KIF11: variants seen among roughly 807,000 people sequenced by gnomAD.
KIF11 encodes kinesin-like protein KIF11.
KIF11 carries 9 observed loss-of-function variants against 121.0 expected under a neutral mutation model. The ratio of observed to expected loss-of-function variants is 0.07; its 90% CI spans 0.04 to 0.13. KIF11 has a LOEUF of 0.13. Ranked by LOEUF, KIF11 falls within the 10% of genes least tolerant of loss-of-function variation. KIF11 has a pLI of 1.00. For synonymous variants in KIF11, 408 were observed against 421.0 expected (o/e 0.97, Z 0.38); for missense variants, 846 against 1,217.5 (o/e 0.69, Z 4.54).
At chr10:92,610,723 AT>A (rs1182842923) in intron 6 of KIF11, among the ~76,000 whole-genome samples, 1 of 152,182 alleles carries the variant, frequency 6.6e-6, no homozygotes, top group Non-Finnish European at 1.5e-5. Context: ...TAGAAGTCTT[AT>A]TTCTTTTCTG....
intron 10 of KIF11, among the ~76,000 whole-genome samples, chr10:92,624,794 G>C (rs1025808506): frequency 6.7e-6 from 1 of 148,192 alleles, no homozygotes; most frequent in African/African-American, 2.5e-5. Context: ...TTTTGAGATG[G>C]AGTCTTGCTC....
chr10:92,606,982 G>T (rs1379482116), intron 3 of KIF11, among the ~76,000 whole-genome samples, 177 bp from the exon 4 acceptor site: 1 of 152,062 alleles, frequency 6.6e-6, no homozygotes, highest in Non-Finnish European at 1.5e-5. Flanking sequence ...TCACTGTGTT[G>T]GCCAGGCTGG....
chr10:92,636,664 G>A (rs954300252), intron 14 of KIF11, among the ~76,000 whole-genome samples: 3 of 151,804 alleles, frequency 2.0e-5, no homozygotes, highest in African/African-American at 4.8e-5. Flanking sequence ...CTTGAAAAAA[G>A]AGAAATTATT....
At position 92,609,463 on chromosome 10, in the gene KIF11, G is replaced by A; in HGVS notation, c.652G>A (p.Ala218Thr). The A allele has an allele frequency of 1.2e-6, 2 of 1,613,170 alleles. No individual in the cohort carries two copies. Among genetic ancestry groups the A allele is most frequent in the African/African-American group, 1.3e-5 (1 of 74,890 alleles). The change falls in exon 6 of 22, where the codon GCA becomes ACA. Residue 218 changes from alanine to threonine, a missense_variant. Coordinates refer to ENST00000260731, the MANE Select transcript of KIF11 (RefSeq NM_004523.4). Reference protein sequence around the residue: ...DEVYQILEKGAAKRTTAATLM... With the variant: ...DEVYQILEKGTAKRTTAATLM... ...AGTCTATCAAATTTTAGAAAAGGGG[G>A]CAGCAAAAAGGACAACTGCAGCTAC...
intron 1 of KIF11, 37 bp downstream of exon 1, chr10:92,593,489 C>T (rs1211234484): frequency 1.9e-6 from 3 of 1,575,162 alleles, no homozygotes; most frequent in Non-Finnish European, 2.6e-6. Context: ...AGCGCTGCGG[C>T]TTCGCTGCTG....
intron 16 of KIF11, among the ~76,000 whole-genome samples, chr10:92,637,812 A>T (rs1490450333): frequency 6.6e-6 from 1 of 152,242 alleles, no homozygotes; most frequent in African/African-American, 2.4e-5. Context: ...TGAAAGATGA[A>T]TCTGGAAAAA....
chr10:92,639,732 T>C (rs1844844974), intron 16 of KIF11, 62 bp from the exon 17 acceptor site: 1 of 856,952 alleles, frequency 1.2e-6, no homozygotes, highest in Admixed American at 2.1e-5. Context: ...TTGTTATCAG[T>C]CATAAAAAAT....
intron 8 of KIF11, among the ~76,000 whole-genome samples, chr10:92,614,269 G>A (rs1177912238): frequency 6.6e-6 from 1 of 151,946 alleles, no homozygotes; most frequent in African/African-American, 2.4e-5. Flanking sequence ...CCTAATTTTT[G>A]TATTTTTAGT....
intron 10 of KIF11, among the ~76,000 whole-genome samples, chr10:92,627,042 G>A (rs1045012860): frequency 4.6e-5 from 7 of 152,126 alleles, no homozygotes; most frequent in Non-Finnish European, 8.8e-5. Flanking sequence ...GATTACAGGC[G>A]TGAGCCACCG....
At chr10:92,650,236 T>G (rs1170000666) in intron 20 of KIF11, among the ~76,000 whole-genome samples, 165 bp from the exon 21 acceptor site, 1 of 152,230 alleles carries the variant, frequency 6.6e-6, no homozygotes, top group Non-Finnish European at 1.5e-5. Flanking sequence ...TCTATAAAAA[T>G]ATATTAGGAA....
chr10:92,636,642 GT>G (rs1429242295), intron 14 of KIF11, among the ~76,000 whole-genome samples: 2 of 151,688 alleles, frequency 1.3e-5, no homozygotes, highest in Admixed American at 6.6e-5. Flanking sequence ...GAAATTCTGT[GT>G]TTTCACTGGG....
intron 16 of KIF11, among the ~76,000 whole-genome samples, chr10:92,638,869 T>C (rs1844836037): frequency 6.6e-6 from 1 of 152,250 alleles, no homozygotes; most frequent in South Asian, 2.1e-4. Flanking sequence ...TCAGAGATAC[T>C]GGCCAACCAG....
At chr10:92,607,132 T>G (rs958973565) in intron 3 of KIF11, 27 bp from the exon 4 acceptor site, 2 of 1,428,216 alleles carry the variant, frequency 1.4e-6, no homozygotes, top group East Asian at 4.5e-5. Flanking sequence ...TGTTTCTTTT[T>G]GATTTAACAC....
At chr10:92,635,720 G>T (rs1844788797) in intron 14 of KIF11, among the ~76,000 whole-genome samples, 1 of 152,124 alleles carries the variant, frequency 6.6e-6, no homozygotes, top group South Asian at 2.1e-4. Flanking sequence ...CTCAAGGTAG[G>T]GTTGCCACAA....
chr10:92,612,982 G>A, intron 6 of KIF11, 58 bp from the exon 7 acceptor site: 1 of 949,034 alleles, frequency 1.1e-6, no homozygotes, highest in South Asian at 1.5e-5. Flanking sequence ...CAGTATTTCA[G>A]AAGCAGCAAA....
At chr10:92,642,992 A>G (rs1230381525) in intron 17 of KIF11, among the ~76,000 whole-genome samples, 2 of 152,088 alleles carry the variant, frequency 1.3e-5, no homozygotes, top group African/African-American at 2.4e-5. Context: ...GCTCACTGCA[A>G]CCTCTGCCTC....
intron 17 of KIF11, among the ~76,000 whole-genome samples, chr10:92,643,854 A>C (rs965618629): frequency 1.3e-5 from 2 of 152,268 alleles, no homozygotes; most frequent in Non-Finnish European, 2.9e-5. Flanking sequence ...TCTGTTGAAC[A>C]GTGCTGTTCT....
At chr10:92,631,553 G>T (rs1465568817) in intron 12 of KIF11, among the ~76,000 whole-genome samples, 20 of 149,382 alleles carry the variant, frequency 1.3e-4, no homozygotes, top group African/African-American at 4.9e-4. Context: ...AGTAGAGACG[G>T]GGTTTCACCT....
In KIF11 at chr10:92,616,215, G is replaced by GT. The variant is rs1267863572; in HGVS notation, c.1033-510dup. On this transcript the variant is annotated intron_variant, in intron 8 of 21. Transcript: ENST00000260731. The stretch of plus-strand genomic sequence containing the variant: ...TTTTTTTGTTTTGTTTTGTTTTTTT[G>GT]TTTTTTTTTTTTGAGACAAGGTCCC... Among the ~76,000 whole-genome samples, 584 of 140,128 alleles carry GT rather than the reference G, an allele frequency of 4.2e-3. 3 individuals are homozygous for GT. The highest frequency in any genetic ancestry group is 0.014 in the South Asian group (61 of 4,436). 91.9% of individuals were successfully genotyped at this position (140,128 alleles called of 152,430 possible). A position where few individuals can be genotyped will look rare whatever the true frequency, so the allele number is the denominator to read the frequency against.
Sources: gnomAD v4.1 joint callset for allele counts (sites outside exome capture counted in the v4.1 genomes callset) on GRCh38, gnomAD v4.1.1 for gene constraint, MANE v1.5 for transcripts, NCBI Gene and HGNC (gene_info 2026-07-23, HGNC 2026-07-21) for gene names.